The following FTCDNL1 variants were observed in gnomAD, a reference collection of about 807,000 sequenced individuals.
FTCDNL1 encodes the protein formiminotransferase N-terminal subdomain-containing protein.
FTCDNL1 carries 11 observed loss-of-function variants against 5.9 expected under a neutral mutation model. The observed-to-expected ratio is 1.87, with a 90% confidence interval of 1.18 to 3.10. The LOEUF (loss-of-function observed/expected upper bound fraction) is 3.10. FTCDNL1 is among the 30% of genes most tolerant of loss of function. The pLI is 0.00. For synonymous variants in FTCDNL1, 58 were observed against 24.8 expected, an observed-to-expected ratio of 2.34 and a Z score of -3.99; for missense variants, 115 against 65.5, an observed-to-expected ratio of 1.76 and a Z score of -2.61.
exon 4 of FTCDNL1, chr2:199,760,826 C>A: frequency 1.4e-6 from 1 of 702,290 alleles, no homozygotes. Context: ...GGCTTGGTTG[C>A]GCTTGTCCAC....
chr2:199,686,757 G>A, the FTCDNL1 span, among the ~76,000 whole-genome samples: 4 of 152,216 alleles, frequency 2.6e-5, no homozygotes, highest in African/African-American at 4.8e-5. Flanking sequence ...TTAAATAAGC[G>A]ATAGATGGTT....
At chr2:199,844,628 T>C in intron 3 of FTCDNL1, 2 of 419,918 alleles carry the variant, frequency 4.8e-6, no homozygotes, top group Admixed American at 4.3e-5. Flanking sequence ...GTTTTTCTTC[T>C]GTAATCTGTG....
the FTCDNL1 span, among the ~76,000 whole-genome samples, chr2:199,679,186 TTA>T: frequency 6.6e-6 from 1 of 152,264 alleles, no homozygotes; most frequent in South Asian, 2.1e-4. Flanking sequence ...TTGAATATTT[TTA>T]TATGAACATT....
At position 199,828,088 on chromosome 2, in the gene FTCDNL1, C is replaced by T. The variant is rs548742544; in HGVS notation, c.212-8331G>A. On this transcript the variant is annotated intron_variant, in intron 3 of 4. Coordinates refer to ENST00000420128, the MANE Select transcript of FTCDNL1 (RefSeq NM_001363886.2). ...GAAATAACATTTGTGTTTCTAATGACTGCAATCCAAGGGCCTATAGTAAGT... is the reference window on the plus strand; with the variant it reads ...GAAATAACATTTGTGTTTCTAATGATTGCAATCCAAGGGCCTATAGTAAGT... 1.6e-4 allele frequency among the ~76,000 whole-genome samples: 25 copies of T among 152,102 alleles called. No individual in the cohort carries two copies. The East Asian group carries it at 4.8e-3, about 29-fold the overall frequency.
downstream of FTCDNL1, among the ~76,000 whole-genome samples, chr2:199,806,616 T>C (rs994509754): frequency 3.3e-5 from 5 of 152,334 alleles, no homozygotes; most frequent in Admixed American, 3.3e-4. Flanking sequence ...CTTTTCATTA[T>C]GTCAAGAAAT....
the FTCDNL1 span, among the ~76,000 whole-genome samples, chr2:199,680,969 T>G: frequency 6.6e-6 from 1 of 152,330 alleles, no homozygotes; most frequent in South Asian, 2.1e-4. Context: ...GGGTTCTGGC[T>G]TCTTATATAG....
intron 3 of FTCDNL1, among the ~76,000 whole-genome samples, chr2:199,792,574 T>C (rs972224774): frequency 2.0e-5 from 3 of 152,184 alleles, no homozygotes; most frequent in Admixed American, 6.5e-5. Context: ...GCCTACCAAC[T>C]ACCCACTCAC....
chr2:199,709,125 A>G, the FTCDNL1 span, among the ~76,000 whole-genome samples: 1 of 152,118 alleles, frequency 6.6e-6, no homozygotes, highest in African/African-American at 2.4e-5. Context: ...CATCTGTTCC[A>G]TATCTTTCTC....
chr2:199,762,665 C>T (rs555862730), intron 3 of FTCDNL1, among the ~76,000 whole-genome samples: 1 of 152,144 alleles, frequency 6.6e-6, no homozygotes, highest in East Asian at 1.9e-4. Context: ...CAATGTTACC[C>T]TTTATTGTGT....
the FTCDNL1 span, among the ~76,000 whole-genome samples, chr2:199,724,110 T>G: frequency 1.3e-5 from 2 of 152,200 alleles, no homozygotes; most frequent in Non-Finnish European, 2.9e-5. Context: ...GGTTCAGTCT[T>G]GGGAGGGCGT....
At chr2:199,709,267 T>A in the FTCDNL1 span, among the ~76,000 whole-genome samples, 1 of 152,128 alleles carries the variant, frequency 6.6e-6, no homozygotes, top group East Asian at 1.9e-4. Flanking sequence ...AGAAGCCTAA[T>A]CTGAAGCTAT....
At chr2:199,705,559 G>A in the FTCDNL1 span, among the ~76,000 whole-genome samples, 4 of 151,902 alleles carry the variant, frequency 2.6e-5, no homozygotes, top group Non-Finnish European at 2.9e-5. Flanking sequence ...ATTATATTTT[G>A]TCCTACCTAA....
At chr2:199,766,005 A>T (rs898295879) in intron 3 of FTCDNL1, among the ~76,000 whole-genome samples, 1 of 152,060 alleles carries the variant, frequency 6.6e-6, no homozygotes, top group African/African-American at 2.4e-5. Context: ...AGTGGCAATA[A>T]GTCTTTTCTT....
rs1047705209 is a variant in FTCDNL1, at chr2:199,809,666, G to A, written c.*3039C>T. 6.6e-6 allele frequency among the ~76,000 whole-genome samples: 1 copy of A among 152,216 alleles called. No homozygotes were observed. Among genetic ancestry groups the A allele is most frequent in the South Asian group, 2.1e-4 (1 of 4,810 alleles). On this transcript the variant is annotated 3_prime_UTR_variant, in exon 5 of 5. Coordinates refer to ENST00000420128, the MANE Select transcript of FTCDNL1 (RefSeq NM_001363886.2). ...ATACCCTTCTCTTTGCTCAAAAACAGTATGTTCTCTAAACCTTTAGACTTT... is the reference window on the plus strand; with the variant it reads ...ATACCCTTCTCTTTGCTCAAAAACAATATGTTCTCTAAACCTTTAGACTTT...
intron 3 of FTCDNL1, among the ~76,000 whole-genome samples, chr2:199,765,556 A>ATATATATATATATATATATTTTTT: frequency 2.3e-5 from 1 of 42,652 alleles, no homozygotes; most frequent in African/African-American, 6.4e-5. Flanking sequence ...ATATATATAT[A>ATATATATATATATATATATTTTTT]TTTTTTTTTT....
At chr2:199,704,567 G>C in the FTCDNL1 span, among the ~76,000 whole-genome samples, 184 of 152,196 alleles carry the variant, frequency 1.2e-3, 1 homozygote, top group African/African-American at 4.3e-3. Flanking sequence ...AGTGTGTGCA[G>C]GACTCAAGGT....
intron 3 of FTCDNL1, among the ~76,000 whole-genome samples, chr2:199,761,590 T>C (rs1698275343): frequency 6.6e-6 from 1 of 152,156 alleles, no homozygotes; most frequent in Admixed American, 6.5e-5. Flanking sequence ...TGCTCAATAT[T>C]GCTGGCTGTG....
the FTCDNL1 span, among the ~76,000 whole-genome samples, chr2:199,700,979 C>T: frequency 6.6e-6 from 1 of 151,996 alleles, no homozygotes; most frequent in Non-Finnish European, 1.5e-5. Flanking sequence ...TAAACACACT[C>T]TTTGAGGCTG....
intron 3 of FTCDNL1, among the ~76,000 whole-genome samples, chr2:199,785,081 C>G (rs532636128): frequency 2.6e-5 from 4 of 152,004 alleles, no homozygotes; most frequent in African/African-American, 9.7e-5. Context: ...TTGCTCACCC[C>G]GTTTGCTCTT....
Sources: gnomAD v4.1 joint callset for allele counts (sites outside exome capture counted in the v4.1 genomes callset) on GRCh38, gnomAD v4.1.1 for gene constraint, MANE v1.5 for transcripts, NCBI Gene and HGNC (gene_info 2026-07-23, HGNC 2026-07-21) for gene names.